Variants in SIN3A observed in about 807,000 individuals in gnomAD.
SIN3A encodes the protein SIN3 transcription regulator family member A, also known as paired amphipathic helix protein Sin3a.
SIN3A carries 14 observed loss-of-function variants against 146.1 expected under a neutral mutation model. The ratio of observed to expected loss-of-function variants is 0.10; its 90% CI spans 0.06 to 0.15. The LOEUF is 0.15. Ranked by LOEUF, SIN3A falls within the 10% of genes least tolerant of loss-of-function variation. The pLI is 1.00. For missense variants in SIN3A, 1,028 were observed against 1,576.0 expected, an observed-to-expected ratio of 0.65 and a Z score of 5.89; for synonymous variants, 572 against 572.0, an observed-to-expected ratio of 1.00 and a Z score of 0.00.
At chr15:75,426,493 A>G (rs963986339) in intron 2 of SIN3A, among the ~76,000 whole-genome samples, 6 of 152,244 alleles carry the variant, frequency 3.9e-5, no homozygotes, top group African/African-American at 1.4e-4. Flanking sequence ...TACCAGCCGT[A>G]CATTTTTAAG....
At chr15:75,386,358 C>G (rs772875091) in intron 16 of SIN3A, among the ~76,000 whole-genome samples, 1 of 152,214 alleles carries the variant, frequency 6.6e-6, no homozygotes, top group Non-Finnish European at 1.5e-5. Context: ...GACTGTATTA[C>G]TGATTCCCCA....
At chr15:75,440,681 GTTTCT>G (rs1024564904) in intron 1 of SIN3A, among the ~76,000 whole-genome samples, 3 of 151,790 alleles carry the variant, frequency 2.0e-5, no homozygotes, top group African/African-American at 7.3e-5. Context: ...TAAATTTTTT[GTTTCT>G]TTTAAGAAAC....
At chr15:75,419,004 G>A (rs979261262) in intron 3 of SIN3A, among the ~76,000 whole-genome samples, 7 of 150,026 alleles carry the variant, frequency 4.7e-5, no homozygotes, top group African/African-American at 1.2e-4. Context: ...TGATCTGCCC[G>A]CCTCGGCCTC....
chr15:75,453,382 AC>A (rs1327621634), upstream of SIN3A: 1 of 152,440 alleles, frequency 6.6e-6, no homozygotes, highest in African/African-American at 2.4e-5. Flanking sequence ...CCAGGGCCAA[AC>A]TGCTCGGAGG....
At chr15:75,420,443 G>A (rs1435725527) in intron 3 of SIN3A, 2 of 152,048 alleles carry the variant, frequency 1.3e-5, no homozygotes, top group African/African-American at 4.8e-5. Flanking sequence ...CGAGTGCAGT[G>A]GTATGATCTT....
intron 2 of SIN3A, 149 bp from the exon 3 acceptor site, chr15:75,422,972 A>ATG: frequency 1.4e-6 from 1 of 733,968 alleles, no homozygotes; most frequent in Non-Finnish European, 2.2e-6. Context: ...TCTCACCTAC[A>ATG]TAGGAAGATC....
At chr15:75,381,821 G>C (rs1181086428) in intron 17 of SIN3A, 116 bp from the exon 18 acceptor site, 2 of 836,990 alleles carry the variant, frequency 2.4e-6, no homozygotes, top group Non-Finnish European at 3.9e-6. Flanking sequence ...TCCAACTGAA[G>C]AGATGAGGAA....
intron 6 of SIN3A, 126 bp downstream of exon 6, chr15:75,411,366 G>C: frequency 1.9e-6 from 2 of 1,045,540 alleles, no homozygotes. Flanking sequence ...TTAAAAACAT[G>C]CATGATAGTT....
upstream of SIN3A, chr15:75,455,810 C>T (rs1332339002): frequency 6.6e-6 from 1 of 152,296 alleles, no homozygotes; most frequent in South Asian, 2.1e-4. Flanking sequence ...GCGAGGAGTC[C>T]TGAATGGGGG....
chr15:75,376,859 T>TAAA (rs200318256), intron 19 of SIN3A, among the ~76,000 whole-genome samples: 12 of 115,798 alleles, frequency 1.0e-4, no homozygotes, highest in African/African-American at 2.9e-4. Context: ...GACACTGTCT[T>TAAA]AAAAAAAAAA....
rs576655655 is a variant in SIN3A, at chr15:75,403,634, G to A, written c.1408-1664C>T. Among the ~76,000 whole-genome samples the A allele has an allele frequency of 4.6e-4, 69 of 150,908 alleles. 1 individual carries two copies. In the South Asian group the frequency reaches 0.014, roughly 32 times the overall value. ...CAGCTCACTGCAACCTCTGCCTCCC[G>A]GGTTCAAGCGATTCTCCTGCCTCGG... On this transcript the variant is annotated intron_variant, in intron 9 of 20. Coordinates refer to ENST00000394947, the MANE Select transcript of SIN3A (RefSeq NM_001145358.2).
chr15:75,373,295 T>C (rs1180071907), intron 20 of SIN3A, among the ~76,000 whole-genome samples: 1 of 152,146 alleles, frequency 6.6e-6, no homozygotes. Flanking sequence ...AGAGAATCTC[T>C]TGAACCCGGG....
In SIN3A at chr15:75,384,312, C is replaced by A; in HGVS notation, c.3147G>T (p.Thr1049=). The A allele has an allele frequency of 1.2e-6, 2 of 1,613,152 alleles. No individual in the cohort carries two copies. The highest frequency in any genetic ancestry group is 8.5e-7 in the Non-Finnish European group (1 of 1,179,468). Residue 1049 remains threonine, a synonymous_variant, in exon 17 of 21, where the codon ACG becomes ACT. Coordinates refer to ENST00000394947, the MANE Select transcript of SIN3A (RefSeq NM_001145358.2). ...TQNSRSLLES[T]YQRKAEQLMS... is the part of the protein sequence containing the mutation. ...TTAGCTGCTCAGCTTTCCGCTGATA[C>A]GTTGACTCCAGGAGGCTCCTTGAGT...
intron 12 of SIN3A, among the ~76,000 whole-genome samples, chr15:75,396,699 G>A (rs2073311137): frequency 6.6e-6 from 1 of 152,152 alleles, no homozygotes; most frequent in Non-Finnish European, 1.5e-5. Context: ...TGGATTAAAT[G>A]ATACAATCCA....
At chr15:75,382,436 A>C (rs534194022) in intron 17 of SIN3A, among the ~76,000 whole-genome samples, 1 of 152,224 alleles carries the variant, frequency 6.6e-6, no homozygotes, top group African/African-American at 2.4e-5. Flanking sequence ...TCCAGTATTC[A>C]TAACAGGATG....
chr15:75,434,875 G>A (rs569116394), intron 1 of SIN3A, among the ~76,000 whole-genome samples: 5 of 151,530 alleles, frequency 3.3e-5, no homozygotes, highest in Non-Finnish European at 5.9e-5. Flanking sequence ...TTGAACCTGG[G>A]AGGCAGAGGC....
intron 16 of SIN3A, among the ~76,000 whole-genome samples, chr15:75,385,998 C>G (rs1468208257): frequency 6.6e-6 from 1 of 152,180 alleles, no homozygotes; most frequent in Non-Finnish European, 1.5e-5. Context: ...AGCATGACTT[C>G]AATCATACAT....
chr15:75,406,987 CA>C, intron 9 of SIN3A, 67 bp downstream of exon 9: 1 of 1,160,192 alleles, frequency 8.6e-7, no homozygotes, highest in Non-Finnish European at 1.3e-6. Context: ...CGAAACCTTC[CA>C]GGGGGATAAG....
chr15:75,423,807 A>G (rs1302804948), intron 2 of SIN3A, among the ~76,000 whole-genome samples: 1 of 152,096 alleles, frequency 6.6e-6, no homozygotes, highest in East Asian at 1.9e-4. Flanking sequence ...AGCCTGGCCA[A>G]CATGGTAAGA....
Sources: gnomAD v4.1 joint callset for allele counts (sites outside exome capture counted in the v4.1 genomes callset) on GRCh38, gnomAD v4.1.1 for gene constraint, MANE v1.5 for transcripts, NCBI Gene and HGNC (gene_info 2026-07-23, HGNC 2026-07-21) for gene names.